The following ARPP19 variants were observed in gnomAD, a reference collection of about 807,000 sequenced individuals.
ARPP19 encodes cAMP regulated phosphoprotein 19.
Under a neutral mutation model 12.0 loss-of-function variants are expected in ARPP19, and 8 were observed. The observed-to-expected ratio is 0.67, with a 90% confidence interval of 0.39 to 1.21. The LOEUF (loss-of-function observed/expected upper bound fraction) is 1.21, where lower values mean the gene tolerates loss of function less well. Ranked by LOEUF, ARPP19 falls within the 50% of genes most tolerant of loss-of-function variation. The probability of loss-of-function intolerance (pLI) is 0.01; values close to 1 mark genes in which losing one functional copy is unlikely to be tolerated. For missense variants in ARPP19, 102 were observed against 136.3 expected (o/e 0.75, Z 1.25); for synonymous variants, 47 against 50.4 (o/e 0.93, Z 0.29).
At position 52,552,118 on chromosome 15, in the gene ARPP19, CA is replaced by C. The variant is rs750179875; in HGVS notation, c.169-15del. On this transcript the variant is annotated splice_polypyrimidine_tract_variant and intron_variant, in intron 2 of 2. Transcript: ENST00000249822. The stretch of plus-strand genomic sequence containing the variant: ...AAAATATTTTTGCTATAAGTAAAAA[CA>C]AAAAAAATTCAGATTAGAGCTTAGC... 64 of 1,555,190 alleles carry C rather than the reference CA, an allele frequency of 4.1e-5. No homozygotes were observed. The highest frequency in any genetic ancestry group is 4.9e-5 in the Non-Finnish European group (55 of 1,128,838).
At position 52,568,661 on chromosome 15, in the gene ARPP19, ACGTTGGAACTCCCAATTCGTCGG is replaced by A. The variant is rs752833408; in HGVS notation, c.45+164_45+186del. On this transcript the variant is annotated intron_variant, in intron 1 of 2. Coordinates refer to ENST00000249822, the MANE Select transcript of ARPP19 (RefSeq NM_006628.6). ...GCACGATTCGGAGTAAACGCGGGGC[ACGTTGGAACTCCCAATTCGTCGG>A]CGCACCAGCCAGCGACGGCGGGAAG... The A allele has an allele frequency of 7.8e-4, 378 of 484,628 alleles. 1 individual carries two copies. Among genetic ancestry groups the A allele is most frequent in the Non-Finnish European group, 1.3e-3 (347 of 276,088 alleles). 30.0% of individuals were successfully genotyped at this position (484,628 alleles called of 1,614,324 possible). A position where few individuals can be genotyped will look rare whatever the true frequency, so the allele number is the denominator to read the frequency against.
chr15:52,561,954 T>A (rs4774630), intron 1 of ARPP19, among the ~76,000 whole-genome samples: 14,432 of 146,980 alleles, frequency 0.098, 787 homozygotes, highest in Middle Eastern at 0.15. Flanking sequence ...TTTTTTTTTT[T>A]TTATTAAGAT....
chr15:52,564,547 G>T (rs1163829483), intron 1 of ARPP19, among the ~76,000 whole-genome samples: 1 of 152,148 alleles, frequency 6.6e-6, no homozygotes, highest in South Asian at 2.1e-4. Context: ...CTTTATGGTT[G>T]ATATATTAAA....
At chr15:52,566,115 A>C (rs918858657) in intron 1 of ARPP19, among the ~76,000 whole-genome samples, 1 of 151,880 alleles carries the variant, frequency 6.6e-6, no homozygotes, top group Non-Finnish European at 1.5e-5. Flanking sequence ...CGGCCTCCCA[A>C]AGCGCTGGGA....
At chr15:52,558,502 G>A (rs2078003368) in intron 1 of ARPP19, among the ~76,000 whole-genome samples, 1 of 148,956 alleles carries the variant, frequency 6.7e-6, no homozygotes, top group Non-Finnish European at 1.5e-5. Flanking sequence ...AAAAGAGAAA[G>A]AGAAAAAGCT....
chr15:52,564,605 C>A (rs2078064836), intron 1 of ARPP19, among the ~76,000 whole-genome samples: 1 of 152,150 alleles, frequency 6.6e-6, no homozygotes, highest in Non-Finnish European at 1.5e-5. Context: ...CATAAAGGCA[C>A]CAACCTGTAT....
Position 52,551,747 on chromosome 15 carries a change from C to G in ARPP19, c.*187G>C. The G allele has an allele frequency of 1.8e-6, 1 of 567,744 alleles. No homozygotes were observed. Among genetic ancestry groups the G allele is most frequent in the East Asian group, 2.9e-5 (1 of 34,460 alleles). The allele number at this position is 567,744 out of a possible 1,614,324, so 35.2% of individuals were successfully genotyped here. On this transcript the variant is annotated 3_prime_UTR_variant, in exon 3 of 3. Coordinates refer to ENST00000249822, the MANE Select transcript of ARPP19 (RefSeq NM_006628.6). Reference sequence around the variant, plus strand: ...ATGTTGCTCTAACATGTCCTCTTCACCAGTGCACTGTTAAACTAATCAAAA... The same window carrying G: ...ATGTTGCTCTAACATGTCCTCTTCAGCAGTGCACTGTTAAACTAATCAAAA...
At chr15:52,563,174 ATT>A (rs1168233010) in intron 1 of ARPP19, among the ~76,000 whole-genome samples, 1 of 152,142 alleles carries the variant, frequency 6.6e-6, no homozygotes, top group Non-Finnish European at 1.5e-5. Flanking sequence ...GTGAAGAAGT[ATT>A]TTTTATGATT....
intron 1 of ARPP19, among the ~76,000 whole-genome samples, chr15:52,561,935 T>G (rs1051125745): frequency 1.3e-5 from 1 of 76,606 alleles, no homozygotes; most frequent in Non-Finnish European, 2.1e-5. Flanking sequence ...GTGCACCTAC[T>G]TTTTTTTTTT....
At chr15:52,559,208 T>C (rs1324113135) in intron 1 of ARPP19, among the ~76,000 whole-genome samples, 1 of 152,354 alleles carries the variant, frequency 6.6e-6, no homozygotes, top group Non-Finnish European at 1.5e-5. Context: ...CATTCAATTA[T>C]GTGCACTTAG....
At position 52,568,946 on chromosome 15, in the gene ARPP19, G is replaced by C. The variant is rs953406710; in HGVS notation, c.-54C>G. On this transcript the variant is annotated 5_prime_UTR_variant, in exon 1 of 3. Coordinates refer to ENST00000249822, the MANE Select transcript of ARPP19 (RefSeq NM_006628.6). ...GAAAAGATGCAATTAGCGGGTGGCCGAGGCCACCCGGCCGCCGCCCGTCCC... is the reference window on the plus strand; with the variant it reads ...GAAAAGATGCAATTAGCGGGTGGCCCAGGCCACCCGGCCGCCGCCCGTCCC... 18 of 1,147,642 alleles carry C rather than the reference G, an allele frequency of 1.6e-5. No homozygotes were observed. The highest frequency in any genetic ancestry group is 2.1e-5 in the Non-Finnish European group (17 of 822,756). The allele number at this position is 1,147,642 out of a possible 1,614,324, so 71.1% of individuals were successfully genotyped here.
At chr15:52,569,229 T>C (rs957783230), upstream of ARPP19, 2 of 349,186 alleles carry the variant, frequency 5.7e-6, no homozygotes, top group Admixed American at 5.6e-5. Flanking sequence ...TTCCTGGGAA[T>C]TGTAGTTTCT....
intron 1 of ARPP19, among the ~76,000 whole-genome samples, chr15:52,567,735 C>A (rs1209502868): frequency 6.6e-6 from 1 of 152,120 alleles, no homozygotes; most frequent in Non-Finnish European, 1.5e-5. Context: ...CTTTAACATC[C>A]TAACAGAAGC....
chr15:52,552,894 T>A (rs1449911974), intron 2 of ARPP19, among the ~76,000 whole-genome samples: 1 of 152,104 alleles, frequency 6.6e-6, no homozygotes, highest in Non-Finnish European at 1.5e-5. Context: ...ACGGCCAATA[T>A]GGTGAAACCC....
upstream of ARPP19, chr15:52,569,300 T>G (rs953978554): frequency 3.9e-6 from 1 of 253,196 alleles, no homozygotes; most frequent in Non-Finnish European, 7.6e-6. Context: ...TCTAGGAGCT[T>G]TATTTTACTC....
rs1406594782 is a variant in ARPP19, at chr15:52,551,433, A to G, written c.*501T>C. 6.5e-6 allele frequency: 1 copy of G among 152,968 alleles called. No homozygotes were observed. Among genetic ancestry groups the G allele is most frequent in the East Asian group, 1.9e-4 (1 of 5,206 alleles). 9.5% of individuals were successfully genotyped at this position (152,968 alleles called of 1,614,324 possible). On this transcript the variant is annotated 3_prime_UTR_variant, in exon 3 of 3. Transcript: ENST00000249822. ...ACAGGTTTAAGGCCATTCAAGTTCA[A>G]GCACAGAGATACAAATCTTTCAGAG...
intron 1 of ARPP19, among the ~76,000 whole-genome samples, chr15:52,563,089 T>C (rs1405759410): frequency 1.3e-5 from 2 of 152,100 alleles, no homozygotes; most frequent in Non-Finnish European, 1.5e-5. Flanking sequence ...TTGCCCACGC[T>C]GGTCTTGAAC....
chr15:52,563,003 G>A (rs183568552), intron 1 of ARPP19, among the ~76,000 whole-genome samples: 71 of 151,340 alleles, frequency 4.7e-4, no homozygotes, highest in South Asian at 1.0e-3. Context: ...AGCCTCCCGA[G>A]TAGCTGGGAT....
Position 52,550,485 on chromosome 15 carries a change from T to C in ARPP19, c.*1449A>G, listed in dbSNP as rs1214650365. On this transcript the variant is annotated 3_prime_UTR_variant, in exon 3 of 3. Coordinates refer to ENST00000249822, the MANE Select transcript of ARPP19 (RefSeq NM_006628.6). ...CCGTTTCATTATAAAGTTCCTTTTATTTAAACAATTGTAGAATATTAGTAA... is the reference window on the plus strand; with the variant it reads ...CCGTTTCATTATAAAGTTCCTTTTACTTAAACAATTGTAGAATATTAGTAA... 1 of 152,188 alleles carries C rather than the reference T, an allele frequency of 6.6e-6. No individual in the cohort carries two copies. The highest frequency in any genetic ancestry group is 2.4e-5 in the African/African-American group (1 of 41,442). The allele number at this position is 152,188 out of a possible 1,614,324, so 9.4% of individuals were successfully genotyped here. A position where few individuals can be genotyped will look rare whatever the true frequency, so the allele number is the denominator to read the frequency against.
Sources: allele counts gnomAD v4.1 joint callset (sites outside exome capture counted in the v4.1 genomes callset), GRCh38; gene constraint gnomAD v4.1.1; transcripts MANE v1.5; gene names NCBI Gene and HGNC (gene_info 2026-07-23, HGNC 2026-07-21).